CRTC1: variants seen among roughly 807,000 people sequenced by gnomAD.
The protein encoded by CRTC1 is CREB regulated transcription coactivator 1, also known as CREB-regulated transcription coactivator 1.
CRTC1 carries 18 observed loss-of-function variants against 66.1 expected under a neutral mutation model. That is an observed-to-expected ratio of 0.27 (90% CI 0.19 to 0.40). The LOEUF (loss-of-function observed/expected upper bound fraction) is 0.40, where lower values mean the gene tolerates loss of function less well. Among genes scored for constraint, CRTC1 ranks in the 10% least tolerant of loss-of-function variants. The pLI is 1.00. For synonymous variants in CRTC1, 416 were observed against 398.8 expected (o/e 1.04, Z -0.51); for missense variants, 669 against 887.9 (o/e 0.75, Z 3.13).
At chr19:18,747,649 G>T (rs2054276192) in intron 4 of CRTC1, among the ~76,000 whole-genome samples, 1 of 152,038 alleles carries the variant, frequency 6.6e-6, no homozygotes, top group Admixed American at 6.6e-5. Flanking sequence ...AAGAAAGTGG[G>T]ACGATACCGC....
chr19:18,711,643 G>A (rs2053394012), intron 1 of CRTC1, among the ~76,000 whole-genome samples: 2 of 152,210 alleles, frequency 1.3e-5, no homozygotes. Flanking sequence ...GGGCCTCTGG[G>A]CTGTAGTGGG....
chr19:18,723,009 C>T (rs1251466428), intron 1 of CRTC1, among the ~76,000 whole-genome samples: 2 of 151,982 alleles, frequency 1.3e-5, no homozygotes, highest in South Asian at 2.1e-4. Context: ...GGTGCAATCT[C>T]GGCTCACTAC....
rs1045321519 is a variant in CRTC1 at position 18,780,646 on chromosome 19, G to T, written c.*3264G>T. On this transcript the variant is annotated 3_prime_UTR_variant, in exon 14 of 14. Coordinates refer to ENST00000321949, the MANE Select transcript of CRTC1 (RefSeq NM_015321.3). ...CTGGGACCTCGCCTGAGCCCGGTCAGGTGGGACAGGAGCCTGCCAGAAGCC... is the reference window on the plus strand; with the variant it reads ...CTGGGACCTCGCCTGAGCCCGGTCATGTGGGACAGGAGCCTGCCAGAAGCC... The T allele has an allele frequency of 4.4e-6, 1 of 226,828 alleles. No individual in the cohort carries two copies. The highest frequency in any genetic ancestry group is 2.2e-5 in the African/African-American group (1 of 44,944). The allele number at this position is 226,828 out of a possible 1,614,324, so 14.1% of individuals were successfully genotyped here. A position where few individuals can be genotyped will look rare whatever the true frequency, so the allele number is the denominator to read the frequency against.
chr19:18,726,913 A>G (rs184469220), intron 1 of CRTC1, among the ~76,000 whole-genome samples: 2 of 149,506 alleles, frequency 1.3e-5, no homozygotes, highest in East Asian at 2.0e-4. Context: ...GTAACAGAGA[A>G]AGACTCCGTC....
At chr19:18,765,359 G>C in intron 8 of CRTC1, 45 bp from the exon 9 acceptor site, 1 of 1,573,392 alleles carries the variant, frequency 6.4e-7, no homozygotes, top group African/African-American at 1.3e-5. Context: ...CTTTCTCAGT[G>C]ATCAGTCTCA....
chr19:18,756,479 T>C (rs2054492044), intron 6 of CRTC1, among the ~76,000 whole-genome samples: 1 of 151,922 alleles, frequency 6.6e-6, no homozygotes, highest in South Asian at 2.1e-4. Context: ...AGACCTGGTC[T>C]CTGCAAAACA....
chr19:18,734,217 A>G (rs1342821900), intron 1 of CRTC1, among the ~76,000 whole-genome samples: 3 of 152,102 alleles, frequency 2.0e-5, no homozygotes, highest in Admixed American at 2.0e-4. Context: ...GGGTTTCTTT[A>G]TGGAGTGATT....
At chr19:18,726,974 C>T (rs984587463) in intron 1 of CRTC1, among the ~76,000 whole-genome samples, 6 of 149,884 alleles carry the variant, frequency 4.0e-5, no homozygotes, top group African/African-American at 9.8e-5. Flanking sequence ...AGGCCAGGCA[C>T]GGTGGCCTAG....
Position 18,718,880 on chromosome 19 carries a change from GT to G in CRTC1, c.127-24027del, listed in dbSNP as rs796554189. ...TGAGGAACCGCCATACAGATTGGGG[GT>G]TTATTTTAAATAGGATGGAAGCCTA... On this transcript the variant is annotated intron_variant, in intron 1 of 13. Coordinates refer to ENST00000321949, the MANE Select transcript of CRTC1 (RefSeq NM_015321.3). 4.3e-3 allele frequency among the ~76,000 whole-genome samples: 653 copies of G among 152,306 alleles called. 6 individuals are homozygous for G. Among genetic ancestry groups the G allele is most frequent in the African/African-American group, 0.014 (597 of 41,552 alleles).
chr19:18,765,486 G>C lies in CRTC1; in HGVS notation c.969G>C (p.Gln323His), dbSNP rs1319003667. The C allele has an allele frequency of 6.2e-7, 1 of 1,610,546 alleles. No individual in the cohort carries two copies. Among genetic ancestry groups the C allele is most frequent in the Middle Eastern group, 1.6e-4 (1 of 6,084 alleles). The stretch of plus-strand genomic sequence containing the variant: ...CCCTGAGCACAGAGGCAAGGCGTCA[G>C]CAGGCATCGCCCACCCTGTCCCCGC... ...PLSLSTEARR[Q>H]QASPTLSPLS... Residue 323 changes from glutamine (Q) to histidine (H), a missense_variant, in exon 9 of 14, where the codon CAG (glutamine) becomes CAC (histidine). Around this residue, in one of 8 missense-constraint regions of CRTC1, gnomAD observed 241 missense variants for 242.2 expected, o/e 0.99. Transcript: ENST00000321949.
At position 18,743,390 on chromosome 19, in the gene CRTC1, G is replaced by A. The variant is rs2054153749; in HGVS notation, c.243+364G>A. Among the ~76,000 whole-genome samples, 6 of 152,252 alleles carry A rather than the reference G, an allele frequency of 3.9e-5. No homozygotes were observed. The South Asian group carries it at 1.0e-3, about 26-fold the overall frequency. ...AGCAATTCTCAGAAGGAGGCCCGGC[G>A]GCCTGACCCCACTTGTCTGCAAACG... On this transcript the variant is annotated intron_variant, in intron 2 of 13. Transcript: ENST00000321949.
chr19:18,761,905 C>G (rs2054622256), intron 8 of CRTC1, among the ~76,000 whole-genome samples: 1 of 152,086 alleles, frequency 6.6e-6, no homozygotes, highest in Non-Finnish European at 1.5e-5. Context: ...ACTCCCACAC[C>G]TGGGCCCTGG....
chr19:18,688,689 C>T (rs979279834), intron 1 of CRTC1, among the ~76,000 whole-genome samples: 3 of 152,116 alleles, frequency 2.0e-5, no homozygotes, highest in Middle Eastern at 3.4e-3. Flanking sequence ...CCGCCCACCT[C>T]GGCCTCTCGG....
chr19:18,779,226 T>G lies in CRTC1; in HGVS notation c.*1844T>G, dbSNP rs1568548873. ...TCACTGGGGTCCTGGGCACCCTGGC[T>G]TCTGTCCTCAGAGCTGGGTTTGATC... is the stretch of plus-strand genomic sequence containing the variant. On this transcript the variant is annotated 3_prime_UTR_variant, in exon 14 of 14. Coordinates refer to ENST00000321949, the MANE Select transcript of CRTC1 (RefSeq NM_015321.3). The G allele has an allele frequency of 8.6e-6, 2 of 231,336 alleles. No individual in the cohort carries two copies. The highest frequency in any genetic ancestry group is 1.7e-5 in the Non-Finnish European group (2 of 116,970). The allele number at this position is 231,336 out of a possible 1,614,324, so 14.3% of individuals were successfully genotyped here. A position where few individuals can be genotyped will look rare whatever the true frequency, so the allele number is the denominator to read the frequency against.
chr19:18,756,356 C>T (rs1452658314), intron 6 of CRTC1, among the ~76,000 whole-genome samples: 1 of 48,484 alleles, frequency 2.1e-5, no homozygotes, highest in East Asian at 6.6e-4. Context: ...AAAAAAAAAA[C>T]TCTAGGCTGG....
chr19:18,699,823 G>A (rs1361541962), intron 1 of CRTC1, among the ~76,000 whole-genome samples: 1 of 152,192 alleles, frequency 6.6e-6, no homozygotes, highest in African/African-American at 2.4e-5. Context: ...TTTATGCTTT[G>A]CAAGGATCCC....
intron 1 of CRTC1, among the ~76,000 whole-genome samples, chr19:18,711,239 T>C (rs1464261126): frequency 2.0e-5 from 3 of 152,136 alleles, no homozygotes; most frequent in Non-Finnish European, 1.5e-5. Flanking sequence ...CGGGGAGCCA[T>C]CCTTCCCTCC....
Position 18,747,616 on chromosome 19 carries a change from G to A in CRTC1, c.443+502G>A, listed in dbSNP as rs142519433. Among the ~76,000 whole-genome samples, 1,046 of 152,322 alleles carry A rather than the reference G, an allele frequency of 6.9e-3. 13 individuals are homozygous for A. The highest frequency in any genetic ancestry group is 0.021 in the South Asian group (101 of 4,828). ...CCACTGCACTCCAGCCTGGGTGACA[G>A]AGTGAGACTCCATCGCAAGAAAAAG... is the stretch of plus-strand genomic sequence containing the variant. On this transcript the variant is annotated intron_variant, in intron 4 of 13. Coordinates refer to ENST00000321949, the MANE Select transcript of CRTC1 (RefSeq NM_015321.3).
chr19:18,728,164 TC>T (rs2053802537), intron 1 of CRTC1, among the ~76,000 whole-genome samples: 1 of 152,188 alleles, frequency 6.6e-6, no homozygotes, highest in Admixed American at 6.5e-5. Context: ...CAAGGGGGAC[TC>T]TGGGGTCAGG....
Sources: allele counts gnomAD v4.1 joint callset (sites outside exome capture counted in the v4.1 genomes callset), GRCh38; gene constraint gnomAD v4.1.1; regional missense constraint gnomAD v4.1.1; transcripts MANE v1.5; gene names NCBI Gene and HGNC (gene_info 2026-07-23, HGNC 2026-07-21).